The following VAMP7 variants were observed in gnomAD, a reference collection of about 807,000 sequenced individuals.
The protein encoded by VAMP7 is vesicle-associated membrane protein 7.
A neutral mutation model predicts 29.6 loss-of-function variants in VAMP7; 14 were observed. The observed-to-expected ratio is 0.47, with a 90% CI of 0.31 to 0.74. The LOEUF (loss-of-function observed/expected upper bound fraction) is 0.74. VAMP7 is among the 30% of genes least tolerant of loss of function. VAMP7 has a pLI of 0.05. For synonymous variants in VAMP7, 95 were observed against 88.1 expected (o/e 1.08, Z -0.44); for missense variants, 223 against 262.4 (o/e 0.85, Z 1.04).
intron 3 of VAMP7, 70 bp from the exon 4 acceptor site, chrX:155,898,042 G>A: frequency 6.4e-7 from 1 of 1,553,816 alleles, no homozygotes; most frequent in Non-Finnish European, 8.7e-7. Context: ...GTTTTTTATT[G>A]TTGTTCTTAA....
chrX:155,898,943 CTT>C, intron 4 of VAMP7, among the ~76,000 whole-genome samples: 1 of 152,106 alleles, frequency 6.6e-6, no homozygotes, highest in African/African-American at 2.4e-5. Flanking sequence ...GTGTAAGGCT[CTT>C]GATATTCTTC....
chrX:155,937,930 T>C (rs192225775), intron 6 of VAMP7, among the ~76,000 whole-genome samples: 8 of 152,334 alleles, frequency 5.3e-5, no homozygotes, highest in Admixed American at 1.3e-4. Context: ...TTTGCTGTTT[T>C]CAGAACAAAT....
intron 5 of VAMP7, among the ~76,000 whole-genome samples, chrX:155,918,797 C>CT (rs1284713674): frequency 2.6e-5 from 4 of 152,080 alleles, no homozygotes; most frequent in Admixed American, 2.6e-4. Flanking sequence ...TTATCAAATG[C>CT]TTTTTTTATC....
chrX:155,896,254 A>G (rs2065986168), intron 3 of VAMP7, among the ~76,000 whole-genome samples: 2 of 152,170 alleles, frequency 1.3e-5, no homozygotes, highest in African/African-American at 2.4e-5. Flanking sequence ...TGCAACTTCT[A>G]TATTTATTCT....
At chrX:155,938,088 CA>C (rs1453551401) in intron 6 of VAMP7, among the ~76,000 whole-genome samples, 1 of 152,010 alleles carries the variant, frequency 6.6e-6, no homozygotes, top group East Asian at 1.9e-4. Flanking sequence ...AAAATTAGTT[CA>C]ATTATGTCTT....
At chrX:155,919,952 G>T in intron 6 of VAMP7, 72 bp downstream of exon 6, 1 of 1,185,584 alleles carries the variant, frequency 8.4e-7, no homozygotes, top group Non-Finnish European at 1.2e-6. Context: ...TAACATAATT[G>T]GGAAATACCT....
intron 6 of VAMP7, among the ~76,000 whole-genome samples, chrX:155,931,247 A>G (rs771482479): frequency 1.4e-3 from 207 of 152,298 alleles, no homozygotes; most frequent in African/African-American, 4.7e-3. Context: ...GGCTGGGTCA[A>G]ATGGTATTTC....
At chrX:155,917,487 G>T (rs1191470419) in intron 5 of VAMP7, among the ~76,000 whole-genome samples, 2 of 152,116 alleles carry the variant, frequency 1.3e-5, no homozygotes, top group Admixed American at 1.3e-4. Context: ...TTTGGATGGG[G>T]TTTCTATGTG....
At chrX:155,888,274 C>A (rs143885482) in intron 1 of VAMP7, among the ~76,000 whole-genome samples, 1 of 152,146 alleles carries the variant, frequency 6.6e-6, no homozygotes, top group Non-Finnish European at 1.5e-5. Flanking sequence ...TTGTGTTTCA[C>A]AAAGTATGTT....
At chrX:155,913,734 A>G (rs1480614576) in intron 5 of VAMP7, among the ~76,000 whole-genome samples, 1 of 151,954 alleles carries the variant, frequency 6.6e-6, no homozygotes, top group Non-Finnish European at 1.5e-5. Flanking sequence ...TGGTCTATGT[A>G]TCTGTTTTGG....
chrX:155,913,327 G>T (rs2066265081), intron 5 of VAMP7, among the ~76,000 whole-genome samples: 2 of 152,036 alleles, frequency 1.3e-5, no homozygotes. Flanking sequence ...TAGGTTGCCT[G>T]TTCACTCTGA....
At chrX:155,884,205 T>G (rs1191443680) in intron 1 of VAMP7, among the ~76,000 whole-genome samples, 3 of 151,712 alleles carry the variant, frequency 2.0e-5, no homozygotes, top group African/African-American at 7.3e-5. Context: ...TTGGCTCACC[T>G]CAGCCTCCAC....
intron 5 of VAMP7, among the ~76,000 whole-genome samples, chrX:155,906,423 G>C (rs369105432): frequency 4.0e-4 from 61 of 152,260 alleles, no homozygotes; most frequent in African/African-American, 1.4e-3. Context: ...TAGGAGTTGA[G>C]CTCAATCTCT....
chrX:155,894,962 G>T (rs190379834), intron 2 of VAMP7, among the ~76,000 whole-genome samples: 1 of 152,066 alleles, frequency 6.6e-6, no homozygotes, highest in Non-Finnish European at 1.5e-5. Flanking sequence ...TTATTCTTCA[G>T]GTCTTAAATC....
At chrX:155,890,962 G>A (rs898314646) in intron 2 of VAMP7, among the ~76,000 whole-genome samples, 5 of 152,096 alleles carry the variant, frequency 3.3e-5, no homozygotes, top group Non-Finnish European at 7.4e-5. Flanking sequence ...TTGGGATGTT[G>A]GGGTGGCTCT....
intron 6 of VAMP7, among the ~76,000 whole-genome samples, chrX:155,939,466 C>T (rs1444151021): frequency 6.6e-6 from 1 of 152,130 alleles, no homozygotes; most frequent in Admixed American, 6.5e-5. Context: ...ATGTGCATTG[C>T]TGCAGTGGAG....
Position 155,915,083 on chromosome X carries a change from A to C in VAMP7, c.434-4730A>C. Among the ~76,000 whole-genome samples, 3 of 152,216 alleles carry C rather than the reference A, an allele frequency of 2.0e-5. No individual in the cohort carries two copies. In the Middle Eastern group the frequency reaches 0.01, roughly 518 times the overall value. On this transcript the variant is annotated intron_variant, in intron 5 of 7. Coordinates refer to ENST00000286448, the MANE Select transcript of VAMP7 (RefSeq NM_005638.6). ...CAGGGATTTGACTTCTTCCTGGTTC[A>C]GTCTTGGGAGGGTGTATGTGTCCAG...
chrX:155,891,590 G>A (rs1420273333), intron 2 of VAMP7, among the ~76,000 whole-genome samples: 1 of 152,222 alleles, frequency 6.6e-6, no homozygotes, highest in African/African-American at 2.4e-5. Flanking sequence ...AGGGAAGAAT[G>A]AGAAACATGT....
chrX:155,909,019 G>T (rs1399494847), intron 5 of VAMP7, among the ~76,000 whole-genome samples: 3 of 152,022 alleles, frequency 2.0e-5, no homozygotes, highest in African/African-American at 7.2e-5. Flanking sequence ...TAGAGACAAG[G>T]TCTTGCCATG....
Sources: allele counts gnomAD v4.1 joint callset (sites outside exome capture counted in the v4.1 genomes callset), GRCh38; gene constraint gnomAD v4.1.1; transcripts MANE v1.5; gene names NCBI Gene and HGNC (gene_info 2026-07-23, HGNC 2026-07-21).